The following ZC3H7A variants were observed in gnomAD, a reference collection of about 807,000 sequenced individuals.
The protein encoded by ZC3H7A is zinc finger CCCH domain-containing protein 7A.
In ZC3H7A, 44 loss-of-function variants were observed where a neutral mutation model predicts 125.5. That is an observed-to-expected ratio of 0.35 (90% CI 0.28 to 0.45). The LOEUF (loss-of-function observed/expected upper bound fraction) is 0.45, where lower values mean the gene tolerates loss of function less well. Among genes scored for constraint, ZC3H7A ranks in the 20% least tolerant of loss-of-function variants. The probability of loss-of-function intolerance (pLI) is 1.00; values close to 1 mark genes in which losing one functional copy is unlikely to be tolerated. For missense variants in ZC3H7A, 977 were observed against 1,170.7 expected (o/e 0.83, Z 2.41); for synonymous variants, 399 against 391.2 (o/e 1.02, Z -0.23).
rs1446002383 is a variant in ZC3H7A at position 11,797,160 on chromosome 16, G to A, written c.-71C>T. The A allele has an allele frequency of 2.6e-5, 4 of 154,074 alleles. No homozygotes were observed. The highest frequency in any genetic ancestry group is 1.3e-4 in the Admixed American group (2 of 14,916). The allele number at this position is 154,074 out of a possible 1,614,324, so 9.5% of individuals were successfully genotyped here. ...ACGCGCCGGCCGGCGGCAGAAGGCA[G>A]GCGGAGGCGGGCGGCGGCAGGCGGG... On this transcript the variant is annotated 5_prime_UTR_variant, in exon 1 of 23. Transcript: ENST00000355758.
At chr16:11,777,264 T>C (rs1291623470) in intron 4 of ZC3H7A, among the ~76,000 whole-genome samples, 1 of 152,156 alleles carries the variant, frequency 6.6e-6, no homozygotes, top group Non-Finnish European at 1.5e-5. Context: ...CACATTAAGA[T>C]GTCAAACAGA....
chr16:11,753,500 G>A (rs1460281824), intron 21 of ZC3H7A, among the ~76,000 whole-genome samples: 1 of 152,106 alleles, frequency 6.6e-6, no homozygotes, highest in Non-Finnish European at 1.5e-5. Flanking sequence ...AGAGTATGGT[G>A]GTGCGATCAT....
chr16:11,762,504 T>A (rs1432294826), intron 17 of ZC3H7A, among the ~76,000 whole-genome samples, 167 bp downstream of exon 17: 1 of 152,202 alleles, frequency 6.6e-6, no homozygotes, highest in Admixed American at 6.5e-5. Flanking sequence ...TTTTTTATGA[T>A]GATCAACTAA....
intron 1 of ZC3H7A, among the ~76,000 whole-genome samples, chr16:11,792,432 A>T (rs779833073): frequency 1.3e-5 from 2 of 152,190 alleles, no homozygotes; most frequent in Non-Finnish European, 2.9e-5. Context: ...ATTATCCCAA[A>T]GTCTAGTACA....
At chr16:11,784,854 CA>C (rs536349199) in intron 1 of ZC3H7A, among the ~76,000 whole-genome samples, 308 of 59,982 alleles carry the variant, frequency 5.1e-3, no homozygotes, top group Middle Eastern at 0.023. Context: ...CACTCCATCT[CA>C]AAAAAAAAAA....
intron 1 of ZC3H7A, among the ~76,000 whole-genome samples, chr16:11,794,394 T>C (rs1274562017): frequency 1.3e-5 from 2 of 152,236 alleles, no homozygotes; most frequent in Non-Finnish European, 2.9e-5. Flanking sequence ...ATTAAAACGT[T>C]ATCACTAGCA....
intron 1 of ZC3H7A, among the ~76,000 whole-genome samples, chr16:11,786,429 A>C (rs1189963848): frequency 1.3e-5 from 2 of 152,212 alleles, no homozygotes; most frequent in Non-Finnish European, 2.9e-5. Flanking sequence ...TGACTCAAAA[A>C]GTTAATCTGC....
At chr16:11,777,419 T>A (rs1194778495) in intron 4 of ZC3H7A, among the ~76,000 whole-genome samples, 1 of 152,000 alleles carries the variant, frequency 6.6e-6, no homozygotes, top group African/African-American at 2.4e-5. Flanking sequence ...GTATCCACAG[T>A]GAAAATTAAA....
intron 1 of ZC3H7A, among the ~76,000 whole-genome samples, chr16:11,789,550 G>A (rs938585312): frequency 8.5e-5 from 13 of 152,212 alleles, no homozygotes; most frequent in South Asian, 2.1e-4. Flanking sequence ...CACTGCGCCC[G>A]GCCGTGCATA....
chr16:11,770,718 C>CA, intron 10 of ZC3H7A, 65 bp downstream of exon 10: 1 of 1,449,474 alleles, frequency 6.9e-7, no homozygotes, highest in East Asian at 2.3e-5. Flanking sequence ...AAATAATTGC[C>CA]AAACAAACAT....
chr16:11,761,402 G>A lies in ZC3H7A; in HGVS notation c.2319+4C>T, dbSNP rs1197431341. The stretch of plus-strand genomic sequence containing the variant: ...AAAAAGTGGCTTAAAAATTACGTAT[G>A]TACATCAAACTGTAAAGGCATTTGT... On this transcript the variant is annotated splice_donor_region_variant and intron_variant, in intron 19 of 22. Coordinates refer to ENST00000355758, the MANE Select transcript of ZC3H7A (RefSeq NM_014153.4). 6.2e-7 allele frequency: 1 copy of A among 1,613,142 alleles called. No homozygotes were observed.
At chr16:11,752,042 A>G (rs1415047807) in intron 22 of ZC3H7A, among the ~76,000 whole-genome samples, 1 of 151,482 alleles carries the variant, frequency 6.6e-6, no homozygotes, top group East Asian at 2.0e-4. Flanking sequence ...AGTAGCTGGG[A>G]TTACAGGCAC....
chr16:11,754,931 C>T (rs2052615574), intron 21 of ZC3H7A, among the ~76,000 whole-genome samples: 2 of 142,170 alleles, frequency 1.4e-5, no homozygotes, highest in South Asian at 4.6e-4. Flanking sequence ...ATGTGTTGGC[C>T]GGGCACAGTG....
chr16:11,782,234 C>A lies in ZC3H7A; in HGVS notation c.68+53G>T, dbSNP rs1033857641. ...TTCTTCCTCTCCACAAAACATACAT[C>A]CACACCAAAGAATTAGGACGCGGCA... is the stretch of plus-strand genomic sequence containing the variant. On this transcript the variant is annotated intron_variant, in intron 2 of 22. Coordinates refer to ENST00000355758, the MANE Select transcript of ZC3H7A (RefSeq NM_014153.4). 3 of 1,601,568 alleles carry A rather than the reference C, an allele frequency of 1.9e-6. No individual in the cohort carries two copies. In the African/African-American group the frequency reaches 4.0e-5, roughly 21 times the overall value.
intron 8 of ZC3H7A, 142 bp from the exon 9 acceptor site, chr16:11,774,661 T>C (rs1040712536): frequency 4.0e-5 from 42 of 1,053,028 alleles, no homozygotes; most frequent in Non-Finnish European, 5.3e-5. Flanking sequence ...GTAAAGCAAT[T>C]CCAAACAGAT....
rs755891727 is a variant in ZC3H7A, at chr16:11,756,298, C to G, written c.2501G>C (p.Ser834Thr). 6.2e-7 allele frequency: 1 copy of G among 1,614,088 alleles called. No individual in the cohort carries two copies. Among genetic ancestry groups the G allele is most frequent in the Admixed American group, 1.7e-5 (1 of 59,988 alleles). ...TTTTCCATTTTCCTTGTTTGACTGA[C>G]TGGCTATGTCTTCACTTTTTTCATT... Reference protein sequence around the residue: ...QKNEKSEDIASQSNKENGKQI... With the variant: ...QKNEKSEDIATQSNKENGKQI... Residue 834 changes from serine (S) to threonine (T), a missense_variant, in exon 21 of 23, where the codon AGT (serine) becomes ACT (threonine). Ser to Thr is a moderately conservative substitution (Grantham distance 58, BLOSUM62 1). Transcript: ENST00000355758.
At chr16:11,774,586 C>A in intron 8 of ZC3H7A, 67 bp from the exon 9 acceptor site, 1 of 1,417,690 alleles carries the variant, frequency 7.1e-7, no homozygotes, top group African/African-American at 1.4e-5. Context: ...CATTAATCCC[C>A]AATAATAGAG....
At chr16:11,796,778 G>A (rs79061411) in intron 1 of ZC3H7A, 9,120 of 152,054 alleles carry the variant, frequency 0.06, 334 homozygotes, top group Middle Eastern at 0.12. Context: ...GGATCCCCGC[G>A]ATCACCAGAG....
At chr16:11,782,606 T>A in intron 1 of ZC3H7A, 1 of 251,812 alleles carries the variant, frequency 4.0e-6, no homozygotes, top group Non-Finnish European at 7.3e-6. Flanking sequence ...ATATTCTTTT[T>A]TTTTTTTTTT....
Sources: allele counts gnomAD v4.1 joint callset (sites outside exome capture counted in the v4.1 genomes callset), GRCh38; gene constraint gnomAD v4.1.1; transcripts MANE v1.5; gene names NCBI Gene and HGNC (gene_info 2026-07-23, HGNC 2026-07-21).